PNPLA8: variants seen among roughly 807,000 people sequenced by gnomAD.
The protein encoded by PNPLA8 is patatin like domain 8, phospholipase A2, also known as calcium-independent phospholipase A2-gamma.
In PNPLA8, 39 loss-of-function variants were observed where a neutral mutation model predicts 76.9. The observed-to-expected ratio is 0.51, with a 90% confidence interval of 0.39 to 0.66. PNPLA8 has a LOEUF of 0.66. PNPLA8 is among the 30% of genes least tolerant of loss of function. The pLI is 0.00. For synonymous variants in PNPLA8, 301 were observed against 307.9 expected (o/e 0.98, Z 0.24); for missense variants, 887 against 918.0 (o/e 0.97, Z 0.44).
intron 5 of PNPLA8, among the ~76,000 whole-genome samples, chr7:108,501,167 T>C (rs1006758798): frequency 5.9e-5 from 9 of 151,988 alleles, no homozygotes; most frequent in African/African-American, 9.7e-5. Context: ...CTAAGAACAA[T>C]AGGCAGGGCA....
At chr7:108,488,030 G>C in intron 8 of PNPLA8, 77 bp from the exon 9 acceptor site, 1 of 788,406 alleles carries the variant, frequency 1.3e-6, no homozygotes, top group Non-Finnish European at 2.1e-6. Context: ...ATACTATTTA[G>C]TAGTATGAAT....
chr7:108,511,875 G>A (rs40874), intron 4 of PNPLA8, among the ~76,000 whole-genome samples: 60,636 of 151,852 alleles, frequency 0.4, 12,605 homozygotes, highest in African/African-American at 0.48. Context: ...TGCATAGAAT[G>A]ATTTCTGAAG....
In PNPLA8 at chr7:108,510,526, T is replaced by C. The variant is rs933546002; in HGVS notation, c.1206+3618A>G. ...TTGTCATCAGAATCAGAGGTATCAG[T>C]GGCGTGAGCCCAAAGGTCCGAAAGG... On this transcript the variant is annotated intron_variant, in intron 4 of 10. Coordinates refer to ENST00000257694, the MANE Select transcript of PNPLA8 (RefSeq NM_001256007.3). The C allele has an allele frequency of 4.4e-6, 6 of 1,367,378 alleles. No homozygotes were observed. The South Asian group carries it at 5.8e-5, about 13-fold the overall frequency. 84.7% of individuals were successfully genotyped at this position (1,367,378 alleles called of 1,614,324 possible). A position where few individuals can be genotyped will look rare whatever the true frequency, so the allele number is the denominator to read the frequency against.
At chr7:108,508,880 C>T (rs1307055939) in intron 4 of PNPLA8, among the ~76,000 whole-genome samples, 1 of 131,490 alleles carries the variant, frequency 7.6e-6, no homozygotes, top group Non-Finnish European at 1.6e-5. Flanking sequence ...CGCATACCTA[C>T]AACTATCTGA....
intron 1 of PNPLA8, among the ~76,000 whole-genome samples, chr7:108,522,380 T>C (rs898675563): frequency 6.6e-6 from 1 of 151,996 alleles, no homozygotes; most frequent in African/African-American, 2.4e-5. Flanking sequence ...ATCTGCATCA[T>C]AAAACCTTGG....
intron 9 of PNPLA8, among the ~76,000 whole-genome samples, chr7:108,485,440 T>C (rs1017174632): frequency 1.3e-5 from 2 of 152,138 alleles, no homozygotes; most frequent in Non-Finnish European, 2.9e-5. Context: ...TTTCAATAAT[T>C]GCTCAAATAG....
At chr7:108,487,666 G>T (rs1860837843) in intron 9 of PNPLA8, 93 bp downstream of exon 9, 1 of 680,834 alleles carries the variant, frequency 1.5e-6, no homozygotes, top group Non-Finnish European at 2.4e-6. Flanking sequence ...AAGTCTCCTA[G>T]GTTGATCCTT....
In PNPLA8 at chr7:108,480,444, C is replaced by G. The variant is rs545729231; in HGVS notation, c.1879-1065G>C. ...AAGATGTTTTAAGTGACTGCTCAGC[C>G]TCCTTCTCCTGTTCAGCTCCCATCC... On this transcript the variant is annotated intron_variant, in intron 9 of 10. Transcript: ENST00000257694. Among the ~76,000 whole-genome samples, 4 of 152,324 alleles carry G rather than the reference C, an allele frequency of 2.6e-5. No individual in the cohort carries two copies. The South Asian group carries it at 6.2e-4, about 24-fold the overall frequency.
intron 9 of PNPLA8, among the ~76,000 whole-genome samples, chr7:108,481,628 C>A (rs1043752048): frequency 6.6e-6 from 1 of 152,112 alleles, no homozygotes; most frequent in Non-Finnish European, 1.5e-5. Context: ...TCCTGTATGT[C>A]GCTTGTCTCC....
intron 1 of PNPLA8, among the ~76,000 whole-genome samples, chr7:108,525,619 G>A (rs1265569610): frequency 6.6e-6 from 1 of 152,198 alleles, no homozygotes; most frequent in Admixed American, 6.5e-5. Context: ...ATCACCAGGT[G>A]CACACTGACA....
rs1598965328 is a variant in PNPLA8 at position 108,515,309 on chromosome 7, T to A, written c.183A>T (p.Lys61Asn). 6.2e-7 allele frequency: 1 copy of A among 1,612,340 alleles called. No individual in the cohort carries two copies. Among genetic ancestry groups the A allele is most frequent in the Non-Finnish European group, 8.5e-7 (1 of 1,179,436 alleles). The stretch of plus-strand genomic sequence containing the variant: ...GCTTACTGCAAGAATGTGCTTCACT[T>A]TTGGTCCATTTACATCTTATTATGT... ...HTNIIRCKWT[K>N]SEAHSCSKHC... The change falls in exon 3 of 11, where the codon AAA becomes AAT. Residue 61 changes from lysine to asparagine, a missense_variant. Transcript: ENST00000257694.
At chr7:108,480,232 G>A (rs1030400048) in intron 9 of PNPLA8, among the ~76,000 whole-genome samples, 1 of 152,022 alleles carries the variant, frequency 6.6e-6, no homozygotes, top group African/African-American at 2.4e-5. Flanking sequence ...AGCCAGGCAT[G>A]GTGTACATGC....
At chr7:108,518,822 C>G (rs982010906) in intron 2 of PNPLA8, among the ~76,000 whole-genome samples, 2 of 148,790 alleles carry the variant, frequency 1.3e-5, no homozygotes, top group Non-Finnish European at 3.0e-5. Flanking sequence ...CAGTTGAAAT[C>G]TTATGGACAC....
At chr7:108,476,330 T>TA (rs1411675414) in intron 10 of PNPLA8, among the ~76,000 whole-genome samples, 4 of 152,236 alleles carry the variant, frequency 2.6e-5, no homozygotes, top group Non-Finnish European at 5.9e-5. Flanking sequence ...AGTACAGACT[T>TA]AACTCTTATG....
intron 10 of PNPLA8, among the ~76,000 whole-genome samples, chr7:108,474,742 A>G (rs867439699): frequency 1.3e-5 from 2 of 152,332 alleles, no homozygotes; most frequent in Non-Finnish European, 1.5e-5. Flanking sequence ...TTGAGTTTAC[A>G]TGTATAAATC....
At chr7:108,522,257 G>A (rs1275389104) in intron 1 of PNPLA8, among the ~76,000 whole-genome samples, 1 of 146,170 alleles carries the variant, frequency 6.8e-6, no homozygotes, top group African/African-American at 2.6e-5. Flanking sequence ...TCCTGCCACT[G>A]AACTGCAGCC....
intron 5 of PNPLA8, among the ~76,000 whole-genome samples, chr7:108,498,590 G>A (rs140624075): frequency 2.0e-5 from 3 of 152,020 alleles, no homozygotes; most frequent in African/African-American, 7.2e-5. Context: ...AGATTTTTAA[G>A]CTCCCTTTTC....
At chr7:108,509,048 C>T (rs1330189776) in intron 4 of PNPLA8, among the ~76,000 whole-genome samples, 2 of 117,292 alleles carry the variant, frequency 1.7e-5, no homozygotes, top group Admixed American at 8.1e-5. Context: ...AAGATTTAAA[C>T]GTTAGACCTA....
intron 9 of PNPLA8, among the ~76,000 whole-genome samples, chr7:108,483,261 C>A (rs1006116572): frequency 3.9e-5 from 6 of 152,108 alleles, no homozygotes; most frequent in Admixed American, 2.0e-4. Context: ...GCTAACAGAC[C>A]TTTATTATGG....
Sources: gnomAD v4.1 joint callset for allele counts (sites outside exome capture counted in the v4.1 genomes callset) on GRCh38, gnomAD v4.1.1 for gene constraint, MANE v1.5 for transcripts, NCBI Gene and HGNC (gene_info 2026-07-23, HGNC 2026-07-21) for gene names.